Variants in POLG2 observed in about 807,000 individuals in gnomAD.
POLG2 encodes the protein DNA polymerase subunit gamma-2.
POLG2 carries 50 observed loss-of-function variants against 56.5 expected under a neutral mutation model. That is an observed-to-expected ratio of 0.88 (90% CI 0.71 to 1.12). The LOEUF (loss-of-function observed/expected upper bound fraction) is 1.12, where lower values mean the gene tolerates loss of function less well. Among genes scored for constraint, POLG2 ranks in the 50% most tolerant of loss-of-function variants. The pLI, the probability that POLG2 is intolerant of heterozygous loss-of-function variation, is 0.00. For missense variants in POLG2, 584 were observed against 583.3 expected (o/e 1.00, Z -0.01); for synonymous variants, 226 against 222.6 (o/e 1.02, Z -0.14).
At chr17:64,491,260 A>C (rs1180865757) in intron 3 of POLG2, among the ~76,000 whole-genome samples, 3 of 152,152 alleles carry the variant, frequency 2.0e-5, no homozygotes, top group African/African-American at 7.2e-5. Flanking sequence ...CAGGATTCAG[A>C]GTAGCTGGGA....
chr17:64,479,601 T>G (rs1320582318), intron 7 of POLG2, among the ~76,000 whole-genome samples: 1 of 152,088 alleles, frequency 6.6e-6, no homozygotes, highest in African/African-American at 2.4e-5. Context: ...ATAACAAGAA[T>G]GGATTATTTA....
chr17:64,487,283 T>C (rs2037974405), intron 4 of POLG2: 1 of 152,210 alleles, frequency 6.6e-6, no homozygotes. Context: ...ATTCTACCAG[T>C]TGTATTTCAC....
Position 64,490,796 on chromosome 17 carries a change from A to G in POLG2, c.969T>C (p.His323=). The G allele has an allele frequency of 1.9e-6, 3 of 1,610,606 alleles. No individual in the cohort carries two copies. The highest frequency in any genetic ancestry group is 1.7e-6 in the Non-Finnish European group (2 of 1,176,796). ...HMYPGNVSKL[H]GRDGRKNVVP... is the part of the protein sequence containing the mutation. ...CATAGGAGCTCCAGGTAAAACATACATGTAATTTAGACACATTGCCAGGAT... is the reference window on the plus strand; with the variant it reads ...CATAGGAGCTCCAGGTAAAACATACGTGTAATTTAGACACATTGCCAGGAT... Residue 323 remains histidine (H), a splice_region_variant and synonymous_variant, in exon 4 of 8, where the codon CAT becomes CAC. Coordinates refer to ENST00000539111, the MANE Select transcript of POLG2 (RefSeq NM_007215.4).
chr17:64,489,445 A>T (rs1555668117), intron 4 of POLG2, among the ~76,000 whole-genome samples: 1 of 151,766 alleles, frequency 6.6e-6, no homozygotes, highest in African/African-American at 2.4e-5. Flanking sequence ...TCATCAAGGG[A>T]TGCTGCAACC....
rs782559631 is a variant in POLG2, at chr17:64,490,985, TAA to T, written c.796-18_796-17del. 4 of 1,597,332 alleles carry T rather than the reference TAA, an allele frequency of 2.5e-6. No individual in the cohort carries two copies. The South Asian group carries it at 4.4e-5, about 18-fold the overall frequency. On this transcript the variant is annotated splice_polypyrimidine_tract_variant and intron_variant, in intron 3 of 7. Coordinates refer to ENST00000539111, the MANE Select transcript of POLG2 (RefSeq NM_007215.4). ...TCATGGCAAACTGGAAAAGAAAATTTAAGTTTGTCTTAACATATTTAAATAAA... is the reference window on the plus strand; with the variant it reads ...TCATGGCAAACTGGAAAAGAAAATTTGTTTGTCTTAACATATTTAAATAAA...
intron 6 of POLG2, among the ~76,000 whole-genome samples, chr17:64,481,911 G>C (rs912262530): frequency 3.3e-5 from 5 of 151,658 alleles, no homozygotes; most frequent in African/African-American, 1.2e-4. Context: ...GTTCAAAGGG[G>C]AAAGAAATAA....
At chr17:64,491,704 C>T (rs1290322602) in intron 3 of POLG2, 3 of 1,018,712 alleles carry the variant, frequency 2.9e-6, no homozygotes, top group Non-Finnish European at 4.5e-6. Flanking sequence ...TCGGGGTTTA[C>T]CATGGTGCTG....
intron 3 of POLG2, 136 bp from the exon 4 acceptor site, chr17:64,491,105 C>T: frequency 1.4e-6 from 1 of 718,612 alleles, no homozygotes; most frequent in Non-Finnish European, 2.4e-6. Context: ...GTCCCGAATA[C>T]AAATTTTAAA....
rs1245086330 is a variant in POLG2 at position 64,497,009 on chromosome 17, CG to C, written c.-42del. 6.4e-7 allele frequency: 1 copy of C among 1,560,244 alleles called. No homozygotes were observed. The highest frequency in any genetic ancestry group is 1.7e-5 in the Admixed American group (1 of 59,928). ...AAGAGCACACTCTCCCATCACTCAACGGATCCCAACAAGCCACCACTACCGT... is the reference window on the plus strand; with the variant it reads ...AAGAGCACACTCTCCCATCACTCAACGATCCCAACAAGCCACCACTACCGT... On this transcript the variant is annotated 5_prime_UTR_variant, in exon 1 of 8. Transcript: ENST00000539111.
chr17:64,479,700 T>C (rs1555666128), intron 7 of POLG2, among the ~76,000 whole-genome samples: 2 of 152,090 alleles, frequency 1.3e-5, no homozygotes, highest in Non-Finnish European at 1.5e-5. Flanking sequence ...GCAAGAGATA[T>C]TGGTGACTCT....
intron 5 of POLG2, 147 bp from the exon 6 acceptor site, chr17:64,483,146 T>C (rs534524748): frequency 1.8e-6 from 1 of 568,512 alleles, no homozygotes; most frequent in East Asian, 2.9e-5. Flanking sequence ...AGAAGTTAGC[T>C]GAGGTCATAA....
At chr17:64,487,276 C>G (rs2037974200) in intron 4 of POLG2, 1 of 152,168 alleles carries the variant, frequency 6.6e-6, no homozygotes, top group South Asian at 2.1e-4. Context: ...GGACTCTATT[C>G]TACCAGTTGT....
chr17:64,482,914 C>T lies in POLG2; in HGVS notation c.1191+5G>A. The T allele has an allele frequency of 6.8e-7, 1 of 1,471,630 alleles. No homozygotes were observed. Among genetic ancestry groups the T allele is most frequent in the Non-Finnish European group, 9.5e-7 (1 of 1,055,836 alleles). The allele number at this position is 1,471,630 out of a possible 1,614,324, so 91.2% of individuals were successfully genotyped here. On this transcript the variant is annotated splice_donor_5th_base_variant and intron_variant, in intron 6 of 7. Coordinates refer to ENST00000539111, the MANE Select transcript of POLG2 (RefSeq NM_007215.4). ...TAAAATGACATTTAAACTCATTTAACTCACCTGTCTTAGTTCCAATGTGGG... is the reference window on the plus strand; with the variant it reads ...TAAAATGACATTTAAACTCATTTAATTCACCTGTCTTAGTTCCAATGTGGG...
rs1202832556 is a variant in POLG2 at position 64,481,422 on chromosome 17, G to A, written c.1192-1033C>T. 8.1e-6 allele frequency: 8 copies of A among 985,216 alleles called. No individual in the cohort carries two copies. In the African/African-American group the frequency reaches 1.0e-4, roughly 13 times the overall value. The allele number at this position is 985,216 out of a possible 1,614,324, so 61.0% of individuals were successfully genotyped here. A position where few individuals can be genotyped will look rare whatever the true frequency, so the allele number is the denominator to read the frequency against. On this transcript the variant is annotated intron_variant, in intron 6 of 7. Transcript: ENST00000539111. ...GGGCTGGGTCTCAATCACCCAGACA[G>A]AAATGACGACTGCTGAAGGAGTCTC... is the stretch of plus-strand genomic sequence containing the variant.
In POLG2 at chr17:64,496,953, C is replaced by G; in HGVS notation, c.16G>C (p.Ala6Pro). ...CAGACCTTATGGCAGGCCCTGACGG[C>G]TACACGAGAGCGCATCTCTCTCCGA... MRSRV[A>P]VRACHKVCRC... Residue 6 changes from alanine (A) to proline (P), a missense_variant, in exon 1 of 8, where the codon GCC becomes CCC. By Grantham distance (27) the Ala-to-Pro change is conservative. Transcript: ENST00000539111. The G allele has an allele frequency of 6.2e-7, 1 of 1,607,008 alleles. No homozygotes were observed. Among genetic ancestry groups the G allele is most frequent in the Non-Finnish European group, 8.5e-7 (1 of 1,179,964 alleles).
chr17:64,481,374 T>C (rs1598120144), intron 6 of POLG2: 2 of 985,342 alleles, frequency 2.0e-6, no homozygotes, highest in Non-Finnish European at 2.4e-6. Flanking sequence ...CTTTAAATCT[T>C]TTTAGTGTCC....
chr17:64,496,641 G>C lies in POLG2; in HGVS notation c.328C>G (p.Leu110Val), dbSNP rs782703026. The C allele has an allele frequency of 6.4e-5, 103 of 1,613,836 alleles. 1 individual carries two copies. The Admixed American group carries it at 1.6e-3, about 25-fold the overall frequency. The change falls in exon 1 of 8, where the codon CTG becomes GTG. Residue 110 changes from leucine to valine, a missense_variant. Leu to Val is a conservative substitution (Grantham distance 32, BLOSUM62 1). Coordinates refer to ENST00000539111, the MANE Select transcript of POLG2 (RefSeq NM_007215.4). ...ACCGAGGTCCACCATTCTGCGGCCA[G>C]GTTCTTCCGCAACTCTACGCCCAAG... The part of the protein sequence containing the change: ...GPLGVELRKN[L>V]AAEWWTSVVV...
intron 6 of POLG2, among the ~76,000 whole-genome samples, chr17:64,480,967 TA>T (rs1289479626): frequency 6.6e-6 from 1 of 152,204 alleles, no homozygotes; most frequent in East Asian, 1.9e-4. Flanking sequence ...AATGACACAG[TA>T]AACTTAACTG....
intron 4 of POLG2, among the ~76,000 whole-genome samples, chr17:64,486,126 T>C (rs1331461987): frequency 1.3e-5 from 2 of 152,164 alleles, no homozygotes; most frequent in Admixed American, 6.5e-5. Flanking sequence ...AGGCCTGTGG[T>C]AGGCACTGGG....
Sources: allele counts gnomAD v4.1 joint callset (sites outside exome capture counted in the v4.1 genomes callset), GRCh38; gene constraint gnomAD v4.1.1; transcripts MANE v1.5; gene names NCBI Gene and HGNC (gene_info 2026-07-23, HGNC 2026-07-21).